Variants in HDAC4 observed in about 807,000 individuals in gnomAD.
The protein encoded by HDAC4 is histone deacetylase A.
Under a neutral mutation model 135.1 loss-of-function variants are expected in HDAC4, and 16 were observed. The ratio of observed to expected loss-of-function variants is 0.12; its 90% CI spans 0.08 to 0.18. The LOEUF is 0.18. Among genes scored for constraint, HDAC4 ranks in the 10% least tolerant of loss-of-function variants. HDAC4 has a pLI of 1.00. For missense variants in HDAC4, 1,143 were observed against 1,511.8 expected, an observed-to-expected ratio of 0.76 and a Z score of 4.05; for synonymous variants, 685 against 653.4, an observed-to-expected ratio of 1.05 and a Z score of -0.74.
At chr2:239,199,796 C>T (rs899458138) in intron 3 of HDAC4, among the ~76,000 whole-genome samples, 1 of 151,516 alleles carries the variant, frequency 6.6e-6, no homozygotes, top group Non-Finnish European at 1.5e-5. Context: ...TGCAGTGGCA[C>T]GATCTTGGCT....
intron 1 of HDAC4, among the ~76,000 whole-genome samples, chr2:239,371,359 A>G (rs1176397662): frequency 6.6e-6 from 1 of 152,080 alleles, no homozygotes. Flanking sequence ...ACGCACACTC[A>G]AACCCATGCG....
intron 26 of HDAC4, 73 bp from the exon 27 acceptor site, chr2:239,053,209 G>T: frequency 1.3e-6 from 2 of 1,581,116 alleles, no homozygotes; most frequent in South Asian, 1.1e-5. Context: ...ACAGAACGTG[G>T]GTTAAAGGCT....
intron 19 of HDAC4, among the ~76,000 whole-genome samples, chr2:239,085,302 C>T (rs2035826709): frequency 6.6e-6 from 1 of 152,142 alleles, no homozygotes; most frequent in Admixed American, 6.5e-5. Flanking sequence ...AGAAAACAAG[C>T]TATGAAAGTG....
intron 24 of HDAC4, among the ~76,000 whole-genome samples, chr2:239,059,401 T>G (rs569029214): frequency 6.6e-6 from 1 of 152,088 alleles, no homozygotes; most frequent in East Asian, 1.9e-4. Context: ...ACTGACAGGC[T>G]CCGGCAGGAC....
chr2:239,164,101 GT>G (rs1432354074), intron 5 of HDAC4, among the ~76,000 whole-genome samples, 178 bp from the exon 6 acceptor site: 3 of 152,052 alleles, frequency 2.0e-5, no homozygotes, highest in Non-Finnish European at 4.4e-5. Flanking sequence ...TTAATGAGAG[GT>G]TTTCTTCCCA....
chr2:239,277,844 C>A (rs1422280096), intron 2 of HDAC4, among the ~76,000 whole-genome samples: 1 of 152,218 alleles, frequency 6.6e-6, no homozygotes, highest in Admixed American at 6.5e-5. Flanking sequence ...GTTCTCAGAT[C>A]TGCCGGAAAC....
At chr2:239,122,620 A>T (rs1380313264) in intron 12 of HDAC4, among the ~76,000 whole-genome samples, 1 of 152,224 alleles carries the variant, frequency 6.6e-6, no homozygotes, top group Non-Finnish European at 1.5e-5. Context: ...GAGCAGAGCC[A>T]GCTCGGGGTC....
chr2:239,383,544 A>T (rs1695568998), intron 1 of HDAC4, among the ~76,000 whole-genome samples: 1 of 152,188 alleles, frequency 6.6e-6, no homozygotes, highest in Admixed American at 6.5e-5. Context: ...ACCCACGGCA[A>T]GCGCAGTCTG....
chr2:239,356,451 G>T (rs1384644646), intron 1 of HDAC4, among the ~76,000 whole-genome samples: 2 of 152,064 alleles, frequency 1.3e-5, no homozygotes, highest in South Asian at 2.1e-4. Flanking sequence ...GAGAGAGGAG[G>T]CTCTGTGTTT....
At chr2:239,312,826 G>A (rs898659039) in intron 2 of HDAC4, among the ~76,000 whole-genome samples, 1 of 152,232 alleles carries the variant, frequency 6.6e-6, no homozygotes, top group Non-Finnish European at 1.5e-5. Context: ...CTGGTACACG[G>A]AGAGGGGAGC....
chr2:239,208,495 A>G (rs968858933), intron 3 of HDAC4, among the ~76,000 whole-genome samples: 1 of 152,196 alleles, frequency 6.6e-6, no homozygotes, highest in African/African-American at 2.4e-5. Flanking sequence ...GAAATAAAAG[A>G]GCGCTTCTTT....
At chr2:239,296,858 C>T (rs1308682461) in intron 2 of HDAC4, among the ~76,000 whole-genome samples, 1 of 151,998 alleles carries the variant, frequency 6.6e-6, no homozygotes, top group Non-Finnish European at 1.5e-5. Flanking sequence ...AACTCACTCA[C>T]CAGGTCTGTC....
chr2:239,117,955 C>T (rs959265803), intron 12 of HDAC4, among the ~76,000 whole-genome samples: 3 of 152,334 alleles, frequency 2.0e-5, no homozygotes, highest in East Asian at 1.9e-4. Context: ...TAGAGCACTG[C>T]ATGCTGCTCC....
At chr2:239,184,460 G>A (rs669106) in intron 4 of HDAC4, among the ~76,000 whole-genome samples, 45,181 of 117,460 alleles carry the variant, frequency 0.38, 6,986 homozygotes, top group South Asian at 0.59. Flanking sequence ...GCCCTATGAG[G>A]GGGGGTCCCT....
At position 239,126,714 on chromosome 2, in the gene HDAC4, G is replaced by T; in HGVS notation, c.1295-20C>A. 1 of 1,611,194 alleles carries T rather than the reference G, an allele frequency of 6.2e-7. No individual in the cohort carries two copies. On this transcript the variant is annotated intron_variant, in intron 11 of 26. Transcript: ENST00000543185. Reference sequence around the variant, plus strand: ...ACCAGTCTGAAGATAATTGGAGGAAGAAACAGCAGAGGGGAAGAGGAAGAA... The same window carrying T: ...ACCAGTCTGAAGATAATTGGAGGAATAAACAGCAGAGGGGAAGAGGAAGAA...
At chr2:239,364,559 G>A (rs1424809032) in intron 1 of HDAC4, among the ~76,000 whole-genome samples, 3 of 147,710 alleles carry the variant, frequency 2.0e-5, no homozygotes, top group African/African-American at 4.9e-5. Context: ...ACAAGGGAGC[G>A]GTGGCGGGGG....
intron 7 of HDAC4, among the ~76,000 whole-genome samples, chr2:239,149,308 G>A (rs1428328137): frequency 1.3e-5 from 2 of 151,938 alleles, no homozygotes; most frequent in Non-Finnish European, 2.9e-5. Context: ...GCTGAAGCAG[G>A]AGAATCCCCT....
chr2:239,311,555 C>T (rs1432264742), intron 2 of HDAC4, among the ~76,000 whole-genome samples: 1 of 152,142 alleles, frequency 6.6e-6, no homozygotes, highest in Admixed American at 6.5e-5. Flanking sequence ...CGACTGAGGA[C>T]TTTGTAGGAA....
In HDAC4 at chr2:239,351,685, T is replaced by A. The variant is rs761542262; in HGVS notation, c.22+993A>T. ...AAAGACGATTCCACCCAGGGAAAGA[T>A]GTGTGTAAGCGTTCCGGCAATCTCA... On this transcript the variant is annotated intron_variant, in intron 2 of 26. Transcript: ENST00000543185. 3.2e-4 allele frequency: 49 copies of A among 154,412 alleles called. 1 individual carries two copies. The highest frequency in any genetic ancestry group is 1.5e-3 in the Middle Eastern group (3 of 1,948). The allele number at this position is 154,412 out of a possible 1,614,324, so 9.6% of individuals were successfully genotyped here.
Sources: gnomAD v4.1 joint callset for allele counts (sites outside exome capture counted in the v4.1 genomes callset) on GRCh38, gnomAD v4.1.1 for gene constraint, MANE v1.5 for transcripts, NCBI Gene and HGNC (gene_info 2026-07-23, HGNC 2026-07-21) for gene names.